Variants in CBR1 observed in about 807,000 individuals in gnomAD.
CBR1 encodes carbonyl reductase [NADPH] 1.
A neutral mutation model predicts 10.6 loss-of-function variants in CBR1; 11 were observed. The observed-to-expected ratio is 1.03, with a 90% CI of 0.65 to 1.71. The LOEUF (loss-of-function observed/expected upper bound fraction) is 1.71. CBR1 is among the 40% of genes most tolerant of loss of function. The pLI is 0.00. For synonymous variants in CBR1, 158 were observed against 156.7 expected, an observed-to-expected ratio of 1.01 and a Z score of -0.06; for missense variants, 361 against 368.6, an observed-to-expected ratio of 0.98 and a Z score of 0.17.
At chr21:36,070,880 T>TTTTTTA in intron 1 of CBR1, 70 bp from the exon 2 acceptor site, 1 of 894,422 alleles carries the variant, frequency 1.1e-6, no homozygotes, top group Non-Finnish European at 1.7e-6. Context: ...TTTTTTTTTT[T>TTTTTTA]AGTATCATTG....
chr21:36,070,064 G>C lies in CBR1; in HGVS notation c.-52G>C. On this transcript the variant is annotated 5_prime_UTR_variant, in exon 1 of 3. Coordinates refer to ENST00000290349, the MANE Select transcript of CBR1 (RefSeq NM_001757.4). ...CTGGAACACGCTGCGGGGCTCCCGGGCCTGAGCCAGGTCTGTTCTCCACGC... is the reference window on the plus strand; with the variant it reads ...CTGGAACACGCTGCGGGGCTCCCGGCCCTGAGCCAGGTCTGTTCTCCACGC... The C allele has an allele frequency of 1.4e-6, 2 of 1,440,806 alleles. No individual in the cohort carries two copies. Among genetic ancestry groups the C allele is most frequent in the Non-Finnish European group, 1.8e-6 (2 of 1,094,034 alleles). The allele number at this position is 1,440,806 out of a possible 1,614,324, so 89.3% of individuals were successfully genotyped here.
chr21:36,070,311 G>T lies in CBR1; in HGVS notation c.196G>T (p.Asp66Tyr). The change falls in exon 1 of 3, where the codon GAT becomes TAT. Residue 66 changes from aspartate to tyrosine, a missense_variant. Transcript: ENST00000290349. ...SPRFHQLDID[D>Y]LQSIRALRDF... is the part of the protein sequence containing the mutation. ...GCGCTTCCACCAGCTGGACATCGAC[G>T]ATCTGCAGAGCATCCGCGCCCTGCG... is the stretch of plus-strand genomic sequence containing the variant. The T allele has an allele frequency of 6.2e-7, 1 of 1,613,276 alleles. No homozygotes were observed. Among genetic ancestry groups the T allele is most frequent in the Non-Finnish European group, 8.5e-7 (1 of 1,179,986 alleles).
In CBR1 at chr21:36,070,103, G is replaced by A; in HGVS notation, c.-13G>A. On this transcript the variant is annotated 5_prime_UTR_variant, in exon 1 of 3. Coordinates refer to ENST00000290349, the MANE Select transcript of CBR1 (RefSeq NM_001757.4). Reference sequence around the variant, plus strand: ...TGTTCTCCACGCAGGTGTTCCGCGCGCCCCGTTCAGCCATGTCGTCCGGCA... The same window carrying A: ...TGTTCTCCACGCAGGTGTTCCGCGCACCCCGTTCAGCCATGTCGTCCGGCA... 2 of 1,486,454 alleles carry A rather than the reference G, an allele frequency of 1.3e-6. No homozygotes were observed. Among genetic ancestry groups the A allele is most frequent in the South Asian group, 1.3e-5 (1 of 74,454 alleles). The allele number at this position is 1,486,454 out of a possible 1,614,324, so 92.1% of individuals were successfully genotyped here.
In CBR1 at chr21:36,071,328, G is replaced by T. The variant is rs138094996; in HGVS notation, c.397+271G>T. ...TCAGGTCTTAGCTCAAACGTCTCCT[G>T]AGAGATGCTCTTTATTTGCTCCATT... is the stretch of plus-strand genomic sequence containing the variant. On this transcript the variant is annotated intron_variant, in intron 2 of 2. Coordinates refer to ENST00000290349, the MANE Select transcript of CBR1 (RefSeq NM_001757.4). The T allele has an allele frequency of 2.6e-3, 1,637 of 629,410 alleles. 8 individuals carry two copies. The highest frequency in any genetic ancestry group is 0.011 in the African/African-American group (595 of 54,880). The allele number at this position is 629,410 out of a possible 1,614,324, so 39.0% of individuals were successfully genotyped here. A position where few individuals can be genotyped will look rare whatever the true frequency, so the allele number is the denominator to read the frequency against.
Position 36,070,569 on chromosome 21 carries a change from TTG to T in CBR1, c.289+169_289+170del, listed in dbSNP as rs2065344727. 7.3e-6 allele frequency: 5 copies of T among 682,912 alleles called. No individual in the cohort carries two copies. The South Asian group carries it at 1.0e-4, about 14-fold the overall frequency. The allele number at this position is 682,912 out of a possible 1,614,324, so 42.3% of individuals were successfully genotyped here. A position where few individuals can be genotyped will look rare whatever the true frequency, so the allele number is the denominator to read the frequency against. ...GAGAGTTTTCCAGCCAAAGGGAACT[TTG>T]TGTTTCCCTGGCTGGGACTCTTGGG... On this transcript the variant is annotated intron_variant, in intron 1 of 2. Coordinates refer to ENST00000290349, the MANE Select transcript of CBR1 (RefSeq NM_001757.4).
intron 1 of CBR1, 73 bp from the exon 2 acceptor site, chr21:36,070,877 T>TTTTTG: frequency 1.1e-6 from 1 of 899,240 alleles, no homozygotes. Context: ...TTTTTTTTTT[T>TTTTTG]TTTAGTATCA....
In CBR1 at chr21:36,070,503, G is replaced by A. The variant is rs571954075; in HGVS notation, c.289+99G>A. The A allele has an allele frequency of 4.1e-5, 50 of 1,225,854 alleles. No homozygotes were observed. The African/African-American group carries it at 6.9e-4, about 17-fold the overall frequency. 75.9% of individuals were successfully genotyped at this position (1,225,854 alleles called of 1,614,324 possible). ...ACGCCTCCCTAGGGAGGAGAGGGAG[G>A]AGCTAGGAGATGCAGGGAGTGCAGA... On this transcript the variant is annotated intron_variant, in intron 1 of 2. Transcript: ENST00000290349.
rs770520641 is a variant in CBR1 at position 36,073,111 on chromosome 21, T to G, written c.*229T>G. The stretch of plus-strand genomic sequence containing the variant: ...GATGCAGGAGAGGAAAAATTGTAAT[T>G]GATGAAAATAATGAATGAAAATCAA... On this transcript the variant is annotated 3_prime_UTR_variant, in exon 3 of 3. Coordinates refer to ENST00000290349, the MANE Select transcript of CBR1 (RefSeq NM_001757.4). 11 of 430,532 alleles carry G rather than the reference T, an allele frequency of 2.6e-5. No homozygotes were observed. Among genetic ancestry groups the G allele is most frequent in the Non-Finnish European group, 4.1e-5 (10 of 243,254 alleles). 26.7% of individuals were successfully genotyped at this position (430,532 alleles called of 1,614,324 possible). A position where few individuals can be genotyped will look rare whatever the true frequency, so the allele number is the denominator to read the frequency against.
At position 36,071,018 on chromosome 21, in the gene CBR1, GAT is replaced by G. The variant is rs765126870; in HGVS notation, c.359_360del (p.Asp120GlyfsTer20). 1.2e-6 allele frequency: 2 copies of G among 1,613,740 alleles called. No homozygotes were observed. The highest frequency in any genetic ancestry group is 2.7e-5 in the African/African-American group (2 of 74,880). On this transcript the variant is annotated frameshift_variant, in exon 2 of 3. Transcript: ENST00000290349. LOFTEE classifies it low-confidence loss of function (END_TRUNC). Reference protein sequence around the residue: ...TMKTNFFGTRDVCTELLPLIK... With the variant: ...TMKTNFFGTRXVCTELLPLIK... Reference sequence around the variant, plus strand: ...GAAAACAAATTTCTTTGGTACCCGAGATGTGTGCACAGAATTACTCCCTCTAA... The same window carrying G: ...GAAAACAAATTTCTTTGGTACCCGAGGTGTGCACAGAATTACTCCCTCTAA...
intron 2 of CBR1, chr21:36,071,575 T>C: frequency 3.5e-6 from 2 of 574,660 alleles, no homozygotes; most frequent in Non-Finnish European, 6.2e-6. Flanking sequence ...AGAGGATCCC[T>C]ATCCTTTTCC....
chr21:36,072,655 G>T lies in CBR1; in HGVS notation c.607G>T (p.Val203Phe), dbSNP rs762808256. Reference sequence around the variant, plus strand: ...CGGGGTGACGAAGATTGGCGTCACCGTTCTGTCCAGGATCCACGCCAGGAA... The same window carrying T: ...CGGGGTGACGAAGATTGGCGTCACCTTTCTGTCCAGGATCCACGCCAGGAA... ...AYGVTKIGVT[V>F]LSRIHARKLS... is the part of the protein sequence containing the mutation. The change falls in exon 3 of 3, where the codon GTT becomes TTT. Residue 203 changes from valine to phenylalanine, a missense_variant. Coordinates refer to ENST00000290349, the MANE Select transcript of CBR1 (RefSeq NM_001757.4). 1.2e-5 allele frequency: 20 copies of T among 1,613,080 alleles called. 1 individual carries two copies. In the South Asian group the frequency reaches 1.5e-4, roughly 12 times the overall value.
chr21:36,070,473 C>T, intron 1 of CBR1, 69 bp downstream of exon 1: 3 of 1,460,598 alleles, frequency 2.1e-6, no homozygotes, highest in Non-Finnish European at 2.7e-6. Flanking sequence ...TCTGCGGGGT[C>T]CATAACGCCT....
chr21:36,070,229 G>T lies in CBR1; in HGVS notation c.114G>T (p.Arg38=), dbSNP rs1355603937. 1 of 1,610,104 alleles carries T rather than the reference G, an allele frequency of 6.2e-7. No homozygotes were observed. Residue 38 remains arginine, a synonymous_variant, in exon 1 of 3, where the codon CGG becomes CGT. Transcript: ENST00000290349. ...LFSGDVVLTA[R]DVTRGQAAVQ... is the part of the protein sequence containing the mutation. The stretch of plus-strand genomic sequence containing the variant: ...CGGGGGACGTGGTGCTCACGGCGCG[G>T]GACGTGACGCGGGGCCAGGCGGCCG...
Position 36,072,599 on chromosome 21 carries a change from A to G in CBR1, c.551A>G (p.His184Arg). The change falls in exon 3 of 3, where the codon CAC becomes CGC. Residue 184 changes from histidine (H) to arginine (R), a missense_variant. By Grantham distance (29) the His-to-Arg change is conservative. Coordinates refer to ENST00000290349, the MANE Select transcript of CBR1 (RefSeq NM_001757.4). ...GTGGAGGATACAAAGAAGGGAGTGCACCAGAAGGAGGGCTGGCCCAGCAGC... is the reference window on the plus strand; with the variant it reads ...GTGGAGGATACAAAGAAGGGAGTGCGCCAGAAGGAGGGCTGGCCCAGCAGC... Reference protein sequence around the residue: ...KFVEDTKKGVHQKEGWPSSAY... With the variant: ...KFVEDTKKGVRQKEGWPSSAY... The G allele has an allele frequency of 6.2e-7, 1 of 1,603,970 alleles. No individual in the cohort carries two copies.
intron 2 of CBR1, chr21:36,072,001 C>T: frequency 6.5e-7 from 1 of 1,530,574 alleles, no homozygotes; most frequent in Non-Finnish European, 8.7e-7. Flanking sequence ...TTGTAAACTG[C>T]TGTGATAGTT....
At chr21:36,071,122 A>G in intron 2 of CBR1, 65 bp downstream of exon 2, 1 of 1,069,798 alleles carries the variant, frequency 9.3e-7, no homozygotes, top group Non-Finnish European at 1.5e-6. Context: ...CTTGCCTGGG[A>G]TTTCTCCTGC....
In CBR1 at chr21:36,073,137, C is replaced by A; in HGVS notation, c.*255C>A. On this transcript the variant is annotated 3_prime_UTR_variant, in exon 3 of 3. Coordinates refer to ENST00000290349, the MANE Select transcript of CBR1 (RefSeq NM_001757.4). ...GATGAAAATAATGAATGAAAATCAA[C>A]AGATGAATAAATGGTTCTTTATAAG... 2.6e-6 allele frequency: 1 copy of A among 384,036 alleles called. No individual in the cohort carries two copies. Among genetic ancestry groups the A allele is most frequent in the South Asian group, 5.4e-5 (1 of 18,550 alleles). 23.8% of individuals were successfully genotyped at this position (384,036 alleles called of 1,614,324 possible).
Position 36,072,977 on chromosome 21 carries a change from GA to G in CBR1, c.*103del, listed in dbSNP as rs528721284. ...CAATGTCATAAATATCCTTATATAAGAAAAAAAATGATCTCTTATCAATTAG... is the reference window on the plus strand; with the variant it reads ...CAATGTCATAAATATCCTTATATAAGAAAAAAATGATCTCTTATCAATTAG... On this transcript the variant is annotated 3_prime_UTR_variant, in exon 3 of 3. Transcript: ENST00000290349. 8.9e-5 allele frequency: 71 copies of G among 796,832 alleles called. No homozygotes were observed. In the South Asian group the frequency reaches 1.0e-3, roughly 11 times the overall value. The allele number at this position is 796,832 out of a possible 1,614,324, so 49.4% of individuals were successfully genotyped here.
At chr21:36,070,436 A>C (rs1282792450) in intron 1 of CBR1, 32 bp downstream of exon 1, 1 of 1,550,852 alleles carries the variant, frequency 6.4e-7, no homozygotes, top group South Asian at 1.2e-5. Context: ...TCCCCGAAGA[A>C]GAACCGATGC....
Sources: allele counts gnomAD v4.1 joint callset, GRCh38; gene constraint gnomAD v4.1.1; transcripts MANE v1.5; gene names NCBI Gene and HGNC (gene_info 2026-07-23, HGNC 2026-07-21).